The following EMG1 variants were observed in gnomAD, a reference collection of about 807,000 sequenced individuals.
EMG1 encodes the protein EMG1 N1-specific pseudouridine methyltransferase, also known as ribosomal RNA small subunit methyltransferase NEP1.
Under a neutral mutation model 26.9 loss-of-function variants are expected in EMG1, and 24 were observed. The ratio of observed to expected loss-of-function variants is 0.89; its 90% CI spans 0.65 to 1.26. The LOEUF (loss-of-function observed/expected upper bound fraction) is 1.26. Among genes scored for constraint, EMG1 ranks in the 50% most tolerant of loss-of-function variants. The pLI is 0.00. For missense variants in EMG1, 299 were observed against 307.6 expected (o/e 0.97, Z 0.21); for synonymous variants, 140 against 112.6 (o/e 1.24, Z -1.54).
intron 6 of EMG1, among the ~76,000 whole-genome samples, chr12:6,985,519 T>C (rs978700255): frequency 1.3e-5 from 2 of 150,872 alleles, no homozygotes; most frequent in Non-Finnish European, 2.9e-5. Context: ...TTTGAGACCA[T>C]ACTGGCCAAC....
chr12:6,994,565 C>T (rs1946620367), intron 7 of EMG1, among the ~76,000 whole-genome samples: 1 of 152,160 alleles, frequency 6.6e-6, no homozygotes, highest in African/African-American at 2.4e-5. Context: ...TTTCTAGGTT[C>T]AAGTGATCCT....
chr12:6,985,462 A>G (rs1555154713), intron 6 of EMG1, among the ~76,000 whole-genome samples: 1 of 151,858 alleles, frequency 6.6e-6, no homozygotes, highest in African/African-American at 2.4e-5. Flanking sequence ...CCTGTAAACC[A>G]AGGCACTTTG....
At chr12:6,971,113 A>G in intron 1 of EMG1, 22 bp downstream of exon 1, 1 of 1,599,908 alleles carries the variant, frequency 6.3e-7, no homozygotes. Context: ...CAGGAAGTGG[A>G]GAAGTAGTAA....
downstream of EMG1, among the ~76,000 whole-genome samples, chr12:6,984,649 C>G (rs113786139): frequency 2.6e-5 from 4 of 152,204 alleles, no homozygotes; most frequent in African/African-American, 9.7e-5. Context: ...TGCAGTGGCA[C>G]GATCATCGCT....
Position 6,976,696 on chromosome 12 carries a change from G to A in EMG1, c.*887G>A, listed in dbSNP as rs1194925833. ...TGAGATCCCGCCACTGCATTCCAGC[G>A]TGGGTGACAAAGCAAGACGCCTTCT... On this transcript the variant is annotated 3_prime_UTR_variant, in exon 6 of 6. Coordinates refer to ENST00000599672, the MANE Select transcript of EMG1 (RefSeq NM_006331.8). 2.5e-5 allele frequency: 4 copies of A among 157,900 alleles called. No homozygotes were observed. Among genetic ancestry groups the A allele is most frequent in the Admixed American group, 6.1e-5 (1 of 16,426 alleles). 9.8% of individuals were successfully genotyped at this position (157,900 alleles called of 1,614,324 possible).
At chr12:6,992,283 T>C (rs1325404788), downstream of EMG1, among the ~76,000 whole-genome samples, 1 of 151,470 alleles carries the variant, frequency 6.6e-6, no homozygotes, top group African/African-American at 2.4e-5. Context: ...CAGTGAGCTG[T>C]GATGCCCCCA....
intron 6 of EMG1, among the ~76,000 whole-genome samples, chr12:6,986,275 TGAG>T (rs1450983955): frequency 4.6e-5 from 7 of 152,282 alleles, no homozygotes; most frequent in African/African-American, 1.4e-4. Context: ...CTGAAGATCA[TGAG>T]GAGGAAGACC....
At chr12:6,974,861 C>T (rs1414161745) in intron 3 of EMG1, 168 bp downstream of exon 3, 2 of 868,520 alleles carry the variant, frequency 2.3e-6, no homozygotes, top group Non-Finnish European at 3.6e-6. Context: ...GGAAACTCCA[C>T]TCCTGTTCTT....
Position 6,975,294 on chromosome 12 carries a change from C to A in EMG1, c.537C>A (p.Ser179=). 1 of 1,612,300 alleles carries A rather than the reference C, an allele frequency of 6.2e-7. No homozygotes were observed. Among genetic ancestry groups the A allele is most frequent in the Non-Finnish European group, 8.5e-7 (1 of 1,179,016 alleles). ...VGCMKVGTSF[S]IPVVSDVREL... Reference sequence around the variant, plus strand: ...GTATGAAAGTTGGCACTTCTTTTTCCATCCCGGTTGTCAGTGATGTGCGTG... The same window carrying A: ...GTATGAAAGTTGGCACTTCTTTTTCAATCCCGGTTGTCAGTGATGTGCGTG... Residue 179 remains serine, a synonymous_variant, in exon 5 of 6, where the codon TCC becomes TCA. Coordinates refer to ENST00000599672, the MANE Select transcript of EMG1 (RefSeq NM_006331.8).
At chr12:6,983,194 C>A (rs1946487994), downstream of EMG1, 1 of 463,326 alleles carries the variant, frequency 2.2e-6, no homozygotes, top group South Asian at 2.2e-5. Flanking sequence ...ACTGAGGATT[C>A]TTTGTTGATG....
intron 6 of EMG1, among the ~76,000 whole-genome samples, chr12:6,986,303 C>T (rs1208135777): frequency 6.6e-6 from 1 of 152,222 alleles, no homozygotes; most frequent in African/African-American, 2.4e-5. Context: ...TGCTGATCCA[C>T]TTCCACTGAA....
chr12:6,992,410 T>C (rs1015529438), downstream of EMG1, among the ~76,000 whole-genome samples: 4 of 152,158 alleles, frequency 2.6e-5, no homozygotes, highest in African/African-American at 9.7e-5. Context: ...TGCATGGCAG[T>C]AAAGAATGCA....
intron 1 of EMG1, 94 bp from the exon 2 acceptor site, chr12:6,974,245 C>A: frequency 2.3e-6 from 2 of 876,226 alleles, no homozygotes. Flanking sequence ...CCAGGTGCAG[C>A]TGCTGCTGGT....
downstream of EMG1, chr12:6,981,666 G>A (rs782520964): frequency 1.2e-6 from 2 of 1,609,958 alleles, no homozygotes; most frequent in East Asian, 4.5e-5. Context: ...GTAGGGTGGT[G>A]GGAGAGGACA....
chr12:6,977,689 G>A lies in EMG1; in HGVS notation c.*1880G>A, dbSNP rs781872400. 5 of 1,614,228 alleles carry A rather than the reference G, an allele frequency of 3.1e-6. No individual in the cohort carries two copies. The African/African-American group carries it at 5.3e-5, about 17-fold the overall frequency. Reference sequence around the variant, plus strand: ...GTGCCAGAGGGCCAGGAATAGCAACGAGAGACCCTGAGAGAGTTCTTTATT... The same window carrying A: ...GTGCCAGAGGGCCAGGAATAGCAACAAGAGACCCTGAGAGAGTTCTTTATT... On this transcript the variant is annotated 3_prime_UTR_variant, in exon 6 of 6. Transcript: ENST00000599672. The surrounding 1 kb of genome is among the most constrained non-coding windows in gnomAD (Gnocchi z 4.5).
intron 1 of EMG1, among the ~76,000 whole-genome samples, chr12:6,973,040 G>A (rs1352422385): frequency 4.1e-5 from 6 of 146,428 alleles, no homozygotes; most frequent in African/African-American, 1.3e-4. Context: ...GGGTCCCACC[G>A]TGTTGCCCAG....
intron 1 of EMG1, among the ~76,000 whole-genome samples, 188 bp from the exon 2 acceptor site, chr12:6,974,151 C>A (rs1946364527): frequency 6.6e-6 from 1 of 152,138 alleles, no homozygotes; most frequent in Non-Finnish European, 1.5e-5. Context: ...CACAGTAATC[C>A]CCCGAAGGGC....
chr12:6,987,792 C>T lies in EMG1; in HGVS notation c.*165C>T, dbSNP rs1420121414. 14 of 400,558 alleles carry T rather than the reference C, an allele frequency of 3.5e-5. No homozygotes were observed. The Admixed American group carries it at 5.3e-4, about 15-fold the overall frequency. 24.8% of individuals were successfully genotyped at this position (400,558 alleles called of 1,614,324 possible). A position where few individuals can be genotyped will look rare whatever the true frequency, so the allele number is the denominator to read the frequency against. ...TTTAACATTTTCTAGGTGTCTGGAT[C>T]GTATCTATTCCAGAGTAAAGTCATG... is the stretch of plus-strand genomic sequence containing the variant. On this transcript the variant is annotated 3_prime_UTR_variant and NMD_transcript_variant, in exon 7 of 8. Transcript: ENST00000261406. This position sits in a 1 kb window ranked among gnomAD's most constrained non-coding sequence, Gnocchi z 4.1.
Position 6,977,043 on chromosome 12 carries a change from C to T in EMG1, c.*1234C>T, listed in dbSNP as rs1206797756. 3 of 819,684 alleles carry T rather than the reference C, an allele frequency of 3.7e-6. No individual in the cohort carries two copies. The highest frequency in any genetic ancestry group is 4.9e-5 in the East Asian group (2 of 40,964). The allele number at this position is 819,684 out of a possible 1,614,324, so 50.8% of individuals were successfully genotyped here. ...AGTAGCCAGGCTAATCCTTGGAATTCACCCCAGATTTCTAATACTATTGTT... is the reference window on the plus strand; with the variant it reads ...AGTAGCCAGGCTAATCCTTGGAATTTACCCCAGATTTCTAATACTATTGTT... On this transcript the variant is annotated 3_prime_UTR_variant, in exon 6 of 6. Transcript: ENST00000599672. This position sits in a 1 kb window ranked among gnomAD's most constrained non-coding sequence, Gnocchi z 4.5.
Sources: allele counts gnomAD v4.1 joint callset (sites outside exome capture counted in the v4.1 genomes callset), GRCh38; gene constraint gnomAD v4.1.1; non-coding constraint Gnocchi (gnomAD v3.1); transcripts MANE v1.5; gene names NCBI Gene and HGNC (gene_info 2026-07-23, HGNC 2026-07-21).